DENND11: variants seen among roughly 807,000 people sequenced by gnomAD.
DENND11 encodes the protein DENN domain-containing protein 11.
Under a neutral mutation model 49.2 loss-of-function variants are expected in DENND11, and 34 were observed. That is an observed-to-expected ratio of 0.69 (90% CI 0.53 to 0.92). The LOEUF is 0.92. Among genes scored for constraint, DENND11 ranks in the 40% least tolerant of loss-of-function variants. DENND11 has a pLI of 0.00. For synonymous variants in DENND11, 238 were observed against 230.3 expected, an observed-to-expected ratio of 1.03 and a Z score of -0.30; for missense variants, 475 against 581.6, an observed-to-expected ratio of 0.82 and a Z score of 1.88.
In DENND11 at chr7:141,660,078, T is replaced by C. The variant is rs1045364233; in HGVS notation, c.*2578A>G. On this transcript the variant is annotated 3_prime_UTR_variant, in exon 9 of 9. Transcript: ENST00000536163. ...TAGAGCAAGGCTTCGAAAGGTGATT[T>C]CCGAAGCCACAGGCTCCACTTCATA... is the stretch of plus-strand genomic sequence containing the variant. 13 of 152,112 alleles carry C rather than the reference T, an allele frequency of 8.5e-5. No individual in the cohort carries two copies. Among genetic ancestry groups the C allele is most frequent in the Non-Finnish European group, 1.8e-4 (12 of 68,034 alleles). The allele number at this position is 152,112 out of a possible 1,614,324, so 9.4% of individuals were successfully genotyped here.
chr7:141,670,761 A>G (rs1797968061), intron 4 of DENND11, among the ~76,000 whole-genome samples: 1 of 152,258 alleles, frequency 6.6e-6, no homozygotes, highest in Admixed American at 6.5e-5. Context: ...GGTTGCCAGC[A>G]TTAAATGCAC....
chr7:141,701,734 C>G, intron 1 of DENND11, 152 bp downstream of exon 1: 1 of 588,862 alleles, frequency 1.7e-6, no homozygotes, highest in Middle Eastern at 6.3e-4. Context: ...CGACCCCCGC[C>G]CTTCCCCAAG....
chr7:141,676,244 A>C (rs555813621), intron 3 of DENND11, among the ~76,000 whole-genome samples: 5 of 151,366 alleles, frequency 3.3e-5, no homozygotes, highest in Non-Finnish European at 5.9e-5. Context: ...ATATTTTTTC[A>C]TTCAAAGTTG....
chr7:141,698,188 T>C (rs903690698), intron 1 of DENND11, among the ~76,000 whole-genome samples: 8 of 152,156 alleles, frequency 5.3e-5, no homozygotes, highest in Admixed American at 5.2e-4. Flanking sequence ...CACACACAAG[T>C]CCTCAGCCAC....
intron 4 of DENND11, among the ~76,000 whole-genome samples, chr7:141,673,455 G>A (rs1798014444): frequency 6.6e-6 from 1 of 152,122 alleles, no homozygotes; most frequent in African/African-American, 2.4e-5. Flanking sequence ...CTCTCCTAAG[G>A]CATCTTCCCA....
chr7:141,702,110 T>C lies in DENND11; in HGVS notation c.44A>G (p.Glu15Gly). 1.0e-5 allele frequency: 10 copies of C among 983,320 alleles called. No individual in the cohort carries two copies. Among genetic ancestry groups the C allele is most frequent in the Non-Finnish European group, 1.2e-5 (10 of 830,276 alleles). 60.9% of individuals were successfully genotyped at this position (983,320 alleles called of 1,614,324 possible). A position where few individuals can be genotyped will look rare whatever the true frequency, so the allele number is the denominator to read the frequency against. ...GDAAPLLRWA[E>G]GPAVSLPQAP... The stretch of plus-strand genomic sequence containing the variant: ...CTGCGGCAGGGAGACGGCGGGGCCC[T>C]CGGCCCAGCGCAGCAGCGGCGCCGC... The change falls in exon 1 of 9, where the codon GAG becomes GGG. Residue 15 changes from glutamate to glycine, a missense_variant. Glu to Gly is a moderately conservative substitution (Grantham distance 98). Coordinates refer to ENST00000536163, the MANE Select transcript of DENND11 (RefSeq NM_001080392.2).
intron 3 of DENND11, among the ~76,000 whole-genome samples, chr7:141,679,824 G>A (rs1194605941): frequency 6.6e-6 from 1 of 151,902 alleles, no homozygotes; most frequent in African/African-American, 2.4e-5. Context: ...ATACATAAAG[G>A]TGCTTAACCT....
intron 4 of DENND11, among the ~76,000 whole-genome samples, chr7:141,671,395 T>C (rs553456162): frequency 6.6e-6 from 1 of 152,358 alleles, no homozygotes; most frequent in East Asian, 1.9e-4. Context: ...CAGGCTGGTC[T>C]CAAACTCTCG....
At chr7:141,699,199 T>C (rs1372216782) in intron 1 of DENND11, among the ~76,000 whole-genome samples, 2 of 152,012 alleles carry the variant, frequency 1.3e-5, no homozygotes, top group African/African-American at 2.4e-5. Flanking sequence ...CAATATTAAA[T>C]AGGAACAAAT....
chr7:141,664,128 A>G, intron 8 of DENND11, 44 bp downstream of exon 8: 1 of 1,468,638 alleles, frequency 6.8e-7, no homozygotes, highest in South Asian at 1.2e-5. Flanking sequence ...TCAGTGCCGA[A>G]GGGATCCTCA....
At chr7:141,692,066 A>G (rs1798335003) in intron 1 of DENND11, among the ~76,000 whole-genome samples, 1 of 152,220 alleles carries the variant, frequency 6.6e-6, no homozygotes, top group Non-Finnish European at 1.5e-5. Context: ...ACATATTATC[A>G]TATCTGTGAC....
chr7:141,686,678 CA>C lies in DENND11; in HGVS notation c.269-21del. Reference sequence around the variant, plus strand: ...TGTTTCCTGCAGGAAAAGGAAGATGCAAGTTAAAAGAAACAACATCATTCAA... The same window carrying C: ...TGTTTCCTGCAGGAAAAGGAAGATGCAGTTAAAAGAAACAACATCATTCAA... On this transcript the variant is annotated intron_variant, in intron 1 of 8. Transcript: ENST00000536163. 1 of 1,560,554 alleles carries C rather than the reference CA, an allele frequency of 6.4e-7. No homozygotes were observed. The highest frequency in any genetic ancestry group is 8.8e-7 in the Non-Finnish European group (1 of 1,135,884).
At chr7:141,696,506 C>T (rs143563435) in intron 1 of DENND11, among the ~76,000 whole-genome samples, 2 of 152,334 alleles carry the variant, frequency 1.3e-5, no homozygotes, top group East Asian at 3.9e-4. Flanking sequence ...AGCACTTCCT[C>T]CTGAGCTCTT....
At chr7:141,674,880 G>A (rs748948143) in intron 3 of DENND11, among the ~76,000 whole-genome samples, 8 of 152,138 alleles carry the variant, frequency 5.3e-5, no homozygotes, top group African/African-American at 1.2e-4. Flanking sequence ...AACCCAGAAG[G>A]CAGCACCGAA....
intron 1 of DENND11, among the ~76,000 whole-genome samples, chr7:141,692,390 A>G (rs1798340140): frequency 6.6e-6 from 1 of 152,248 alleles, no homozygotes; most frequent in South Asian, 2.1e-4. Flanking sequence ...AGACTTATAT[A>G]AAATTAATCA....
chr7:141,686,644 A>G lies in DENND11; in HGVS notation c.283T>C (p.Trp95Arg). 6.2e-7 allele frequency: 1 copy of G among 1,611,916 alleles called. No individual in the cohort carries two copies. The highest frequency in any genetic ancestry group is 8.5e-7 in the Non-Finnish European group (1 of 1,178,608). ...FDPRSGNMVE[W>R]CLPQDIDLEG... ...AGGTCAATATCTTGAGGTAAGCACC[A>G]TTCTACCATGTTTCCTGCAGGAAAA... Residue 95 changes from tryptophan (W) to arginine (R), a missense_variant, in exon 2 of 9, where the codon TGG (tryptophan) becomes CGG (arginine). Transcript: ENST00000536163.
chr7:141,678,162 G>A (rs934354392), intron 3 of DENND11, among the ~76,000 whole-genome samples: 16 of 152,050 alleles, frequency 1.1e-4, no homozygotes, highest in African/African-American at 1.9e-4. Flanking sequence ...GGGTTTCACC[G>A]TTGTTGCTCA....
chr7:141,667,695 C>G (rs905686805), intron 4 of DENND11, among the ~76,000 whole-genome samples: 14 of 152,280 alleles, frequency 9.2e-5, no homozygotes, highest in African/African-American at 3.4e-4. Flanking sequence ...CAACCACCAG[C>G]CTTCAGAGGC....
intron 8 of DENND11, 140 bp downstream of exon 8, chr7:141,664,030 CTG>C: frequency 1.5e-6 from 1 of 647,298 alleles, no homozygotes; most frequent in Admixed American, 2.4e-5. Context: ...AGGTTTGCCT[CTG>C]TAAGGAGCCC....
Sources: gnomAD v4.1 joint callset for allele counts (sites outside exome capture counted in the v4.1 genomes callset) on GRCh38, gnomAD v4.1.1 for gene constraint, MANE v1.5 for transcripts, NCBI Gene and HGNC (gene_info 2026-07-23, HGNC 2026-07-21) for gene names.